SLC12A8: variants seen among roughly 807,000 people sequenced by gnomAD.
SLC12A8 encodes the protein solute carrier family 12 member 8, also known as cation-chloride cotransporter 9.
SLC12A8 carries 69 observed loss-of-function variants against 75.6 expected under a neutral mutation model. The observed-to-expected ratio is 0.91, with a 90% CI of 0.75 to 1.11. SLC12A8 has a LOEUF of 1.11. Among genes scored for constraint, SLC12A8 ranks in the 50% most tolerant of loss-of-function variants. The probability of loss-of-function intolerance (pLI) is 0.00; values close to 1 mark genes in which losing one functional copy is unlikely to be tolerated. For synonymous variants in SLC12A8, 365 were observed against 372.8 expected, an observed-to-expected ratio of 0.98 and a Z score of 0.24; for missense variants, 877 against 896.7, an observed-to-expected ratio of 0.98 and a Z score of 0.28.
chr3:125,173,974 C>G (rs1012339011), intron 5 of SLC12A8, among the ~76,000 whole-genome samples: 1 of 135,708 alleles, frequency 7.4e-6, no homozygotes, highest in African/African-American at 2.6e-5. Flanking sequence ...TGCCTGTAAT[C>G]CCAGCAACTT....
At chr3:125,185,087 G>A (rs1217982679) in intron 4 of SLC12A8, among the ~76,000 whole-genome samples, 3 of 152,166 alleles carry the variant, frequency 2.0e-5, no homozygotes, top group South Asian at 2.1e-4. Context: ...TTGGGAGGCC[G>A]AGGCGGGCGG....
rs1257419016 is a variant in SLC12A8 at position 125,094,258 on chromosome 3, AT to A, written c.1706-2061del. On this transcript the variant is annotated intron_variant, in intron 10 of 13. Transcript: ENST00000469902. Reference sequence around the variant, plus strand: ...GGACCTTTAGATAGTTTGCCTTAGTATGTTTTTGATTTCCATCACCTACCTC... The same window carrying A: ...GGACCTTTAGATAGTTTGCCTTAGTAGTTTTTGATTTCCATCACCTACCTC... Among the ~76,000 whole-genome samples, 4 of 152,266 alleles carry A rather than the reference AT, an allele frequency of 2.6e-5. No homozygotes were observed. The South Asian group carries it at 6.2e-4, about 24-fold the overall frequency.
At chr3:125,179,733 A>AGAGAG (rs1560077720) in intron 4 of SLC12A8, among the ~76,000 whole-genome samples, 17 of 135,084 alleles carry the variant, frequency 1.3e-4, no homozygotes, top group African/African-American at 5.1e-4. Context: ...GAGAGAGAGA[A>AGAGAG]AGAGAAAGAC....
chr3:125,172,418 A>G (rs1236522005), intron 5 of SLC12A8, among the ~76,000 whole-genome samples: 2 of 152,126 alleles, frequency 1.3e-5, no homozygotes, highest in Non-Finnish European at 2.9e-5. Flanking sequence ...AACAGCTCTC[A>G]GGAAAGAACC....
chr3:125,131,642 C>T (rs1439843904), intron 6 of SLC12A8, among the ~76,000 whole-genome samples: 2 of 152,188 alleles, frequency 1.3e-5, no homozygotes, highest in African/African-American at 2.4e-5. Context: ...CCCACGTCAT[C>T]CTCCCAAAGT....
intron 13 of SLC12A8, among the ~76,000 whole-genome samples, chr3:125,085,243 G>T (rs1036393001): frequency 6.6e-6 from 1 of 152,192 alleles, no homozygotes; most frequent in Non-Finnish European, 1.5e-5. Flanking sequence ...CTTTTGTTTT[G>T]ATTTTTTAGG....
intron 7 of SLC12A8, 195 bp from the exon 8 acceptor site, chr3:125,119,051 A>G (rs1932981713): frequency 2.1e-6 from 1 of 486,294 alleles, no homozygotes; most frequent in African/African-American, 2.0e-5. Flanking sequence ...CTTACCAAAA[A>G]AGGGGTACCA....
At chr3:125,172,289 T>A (rs1047855718) in intron 5 of SLC12A8, among the ~76,000 whole-genome samples, 26 of 89,384 alleles carry the variant, frequency 2.9e-4, no homozygotes, top group African/African-American at 6.2e-4. Context: ...AAAAAAAAAA[T>A]TCATCTTCTC....
intron 5 of SLC12A8, among the ~76,000 whole-genome samples, chr3:125,173,168 A>G (rs532610720): frequency 5.3e-5 from 8 of 152,288 alleles, no homozygotes; most frequent in East Asian, 3.9e-4. Context: ...AACAAGGGTG[A>G]AACTCCATCT....
intron 4 of SLC12A8, 103 bp downstream of exon 4, chr3:125,187,134 C>A (rs1479679836): frequency 1.5e-5 from 18 of 1,177,942 alleles, no homozygotes; most frequent in Non-Finnish European, 2.2e-5. Context: ...TCACATGCGG[C>A]AATTGTCCCC....
At chr3:125,101,681 T>C (rs1938879344) in intron 10 of SLC12A8, among the ~76,000 whole-genome samples, 1 of 152,240 alleles carries the variant, frequency 6.6e-6, no homozygotes, top group South Asian at 2.1e-4. Context: ...CTTGTGTATA[T>C]AAGGTATAAA....
Position 125,159,832 on chromosome 3 carries a change from GAC to G in SLC12A8, c.622+17909_622+17910del, listed in dbSNP as rs1243849436. 3.3e-5 allele frequency among the ~76,000 whole-genome samples: 5 copies of G among 152,352 alleles called. No individual in the cohort carries two copies. The South Asian group carries it at 1.0e-3, about 32-fold the overall frequency. ...CTATGACGGCCCCTCCAGCTGCCCA[GAC>G]ACATGCCCTTTTCTGGGACTCAGAT... is the stretch of plus-strand genomic sequence containing the variant. On this transcript the variant is annotated intron_variant, in intron 5 of 13. Transcript: ENST00000469902.
intron 6 of SLC12A8, among the ~76,000 whole-genome samples, chr3:125,129,597 T>G (rs528659875): frequency 2.0e-5 from 3 of 152,216 alleles, no homozygotes; most frequent in Non-Finnish European, 4.4e-5. Context: ...ATCATATCTC[T>G]GTCAGGAGGA....
intron 5 of SLC12A8, among the ~76,000 whole-genome samples, chr3:125,136,633 C>T (rs1933502560): frequency 6.6e-6 from 1 of 152,346 alleles, no homozygotes; most frequent in Non-Finnish European, 1.5e-5. Flanking sequence ...TCTCTTAGAT[C>T]TCTCAGCCTA....
chr3:125,107,376 A>C, intron 10 of SLC12A8, 105 bp downstream of exon 10: 1 of 1,038,656 alleles, frequency 9.6e-7, no homozygotes, highest in Non-Finnish European at 1.4e-6. Context: ...CAAAATTAAC[A>C]AGGATTTTAA....
intron 2 of SLC12A8, among the ~76,000 whole-genome samples, chr3:125,191,275 T>C (rs1934904091): frequency 6.6e-6 from 1 of 152,064 alleles, no homozygotes; most frequent in Non-Finnish European, 1.5e-5. Context: ...AATTCACAAA[T>C]AACAAAGGCA....
intron 5 of SLC12A8, among the ~76,000 whole-genome samples, chr3:125,163,598 C>CA (rs11381972): frequency 0.66 from 93,304 of 140,384 alleles, 31,899 homozygotes; most frequent in Non-Finnish European, 0.74. Flanking sequence ...GACTCTGTCT[C>CA]AAAAAAAAAA....
intron 8 of SLC12A8, among the ~76,000 whole-genome samples, chr3:125,111,791 GA>G (rs111739487): frequency 7.2e-4 from 109 of 150,352 alleles, no homozygotes; most frequent in Middle Eastern, 3.4e-3. Context: ...CAGTTGATTG[GA>G]AAAAAAAAAT....
intron 5 of SLC12A8, among the ~76,000 whole-genome samples, chr3:125,158,667 C>T (rs1422300806): frequency 6.6e-6 from 1 of 152,202 alleles, no homozygotes; most frequent in East Asian, 1.9e-4. Context: ...AAACTTGCTT[C>T]TCTGCTGTTT....
Sources: gnomAD v4.1 joint callset for allele counts (sites outside exome capture counted in the v4.1 genomes callset) on GRCh38, gnomAD v4.1.1 for gene constraint, MANE v1.5 for transcripts, NCBI Gene and HGNC (gene_info 2026-07-23, HGNC 2026-07-21) for gene names.